Variants in PARD3 observed in about 807,000 individuals in gnomAD.
PARD3 encodes partitioning defective 3 homolog.
Under a neutral mutation model 155.4 loss-of-function variants are expected in PARD3, and 75 were observed. The ratio of observed to expected loss-of-function variants is 0.48; its 90% CI spans 0.40 to 0.58. The LOEUF is 0.58. Among genes scored for constraint, PARD3 ranks in the 20% least tolerant of loss-of-function variants. PARD3 has a pLI of 0.00. For synonymous variants in PARD3, 576 were observed against 610.5 expected (o/e 0.94, Z 0.83); for missense variants, 1,642 against 1,721.7 (o/e 0.95, Z 0.82).
At chr10:34,697,767 ACACT>A (rs952765880) in intron 1 of PARD3, among the ~76,000 whole-genome samples, 14 of 25,854 alleles carry the variant, frequency 5.4e-4, no homozygotes, top group South Asian at 2.4e-3. Flanking sequence ...TGTAAAACAA[ACACT>A]CACACACACA....
intron 1 of PARD3, among the ~76,000 whole-genome samples, chr10:34,701,993 T>TGG (rs1267443765): frequency 6.6e-6 from 1 of 151,730 alleles, no homozygotes; most frequent in Admixed American, 6.6e-5. Context: ...TGAAAGCAAG[T>TGG]CTCTACTAAA....
At position 34,621,402 on chromosome 10, in the gene PARD3, G is replaced by A. The variant is rs2091669365; in HGVS notation, c.222+74916C>T. Among the ~76,000 whole-genome samples, 3 of 151,894 alleles carry A rather than the reference G, an allele frequency of 2.0e-5. No homozygotes were observed. The South Asian group carries it at 6.2e-4, about 32-fold the overall frequency. On this transcript the variant is annotated intron_variant, in intron 2 of 24. Transcript: ENST00000374788. The stretch of plus-strand genomic sequence containing the variant: ...AGTAGAGACAGGGTTTTGCCACATT[G>A]GCCAGGCTGGTCTCAAACTCCTGAC...
intron 5 of PARD3, among the ~76,000 whole-genome samples, chr10:34,428,519 G>A (rs1362186145): frequency 6.6e-6 from 1 of 151,924 alleles, no homozygotes; most frequent in Non-Finnish European, 1.5e-5. Context: ...TATATAAATT[G>A]TCTTTATTTC....
rs574457565 is a variant in PARD3, at chr10:34,665,043, G to T, written c.222+31275C>A. ...GGAAAGAGAGGGGGAGAGGGAGGGG[G>T]ATCCTACTGAATAGAGGCAATATAA... On this transcript the variant is annotated intron_variant, in intron 2 of 24. Transcript: ENST00000374788. Among the ~76,000 whole-genome samples, 7 of 151,300 alleles carry T rather than the reference G, an allele frequency of 4.6e-5. No individual in the cohort carries two copies. The South Asian group carries it at 1.5e-3, about 32-fold the overall frequency.
chr10:34,134,431 A>G lies in PARD3; in HGVS notation c.3420-2848T>C, dbSNP rs192529585. Among the ~76,000 whole-genome samples, 216 of 152,354 alleles carry G rather than the reference A, an allele frequency of 1.4e-3. 1 individual carries two copies. The highest frequency in any genetic ancestry group is 6.4e-3 in the East Asian group (33 of 5,188). On this transcript the variant is annotated intron_variant, in intron 22 of 24. Transcript: ENST00000374788. ...TTTTAAGCCCATAATTATTAGGATC[A>G]TGAAGTTGAAACCATTGATAAAAAC... is the stretch of plus-strand genomic sequence containing the variant.
intron 1 of PARD3, among the ~76,000 whole-genome samples, chr10:34,725,149 GTGAC>G (rs1217220269): frequency 1.1e-3 from 91 of 85,484 alleles, no homozygotes; most frequent in African/African-American, 2.2e-3. Flanking sequence ...GTGTGTGTGT[GTGAC>G]AGAGAGAGAG....
chr10:34,144,262 A>T (rs1388956602), intron 22 of PARD3, among the ~76,000 whole-genome samples: 1 of 152,230 alleles, frequency 6.6e-6, no homozygotes, highest in Non-Finnish European at 1.5e-5. Flanking sequence ...AAGCCTTAAA[A>T]GAATCATTAA....
At chr10:34,673,872 T>C (rs2093651085) in intron 2 of PARD3, among the ~76,000 whole-genome samples, 2 of 151,606 alleles carry the variant, frequency 1.3e-5, no homozygotes, top group Non-Finnish European at 1.5e-5. Context: ...ATGCCTGTGA[T>C]CCCAGCTATG....
chr10:34,493,203 C>A (rs2080035247), intron 3 of PARD3, among the ~76,000 whole-genome samples: 1 of 152,130 alleles, frequency 6.6e-6, no homozygotes, highest in Non-Finnish European at 1.5e-5. Flanking sequence ...TAGTACAATG[C>A]AAGACATGCA....
At chr10:34,194,402 C>G (rs762188478) in intron 22 of PARD3, among the ~76,000 whole-genome samples, 8 of 152,066 alleles carry the variant, frequency 5.3e-5, no homozygotes, top group African/African-American at 1.9e-4. Flanking sequence ...TGGCCCGAGC[C>G]GCTCTTGTAC....
intron 22 of PARD3, among the ~76,000 whole-genome samples, chr10:34,172,176 T>G (rs1949827983): frequency 6.6e-6 from 1 of 152,034 alleles, no homozygotes; most frequent in African/African-American, 2.4e-5. Flanking sequence ...GTGGCTTAAA[T>G]TTTCCACAAA....
intron 2 of PARD3, among the ~76,000 whole-genome samples, chr10:34,689,030 C>G (rs993059804): frequency 5.9e-5 from 9 of 152,294 alleles, no homozygotes; most frequent in Non-Finnish European, 1.3e-4. Flanking sequence ...GGACCCTTCA[C>G]AGAGATCCTA....
chr10:34,740,188 C>T (rs2094983863), intron 1 of PARD3, among the ~76,000 whole-genome samples: 1 of 152,216 alleles, frequency 6.6e-6, no homozygotes, highest in Non-Finnish European at 1.5e-5. Flanking sequence ...TTGCAGCTGG[C>T]TGCCTCCTCC....
chr10:34,129,594 AT>A (rs1947478754), intron 23 of PARD3, among the ~76,000 whole-genome samples: 1 of 150,068 alleles, frequency 6.7e-6, no homozygotes, highest in African/African-American at 2.5e-5. Context: ...CTCTTCCTAC[AT>A]TTCTACCTTT....
At chr10:34,764,813 A>G (rs1179270404) in intron 1 of PARD3, among the ~76,000 whole-genome samples, 2 of 152,188 alleles carry the variant, frequency 1.3e-5, no homozygotes, top group Non-Finnish European at 2.9e-5. Context: ...TTTCTGAGAC[A>G]GCTCTTATAG....
chr10:34,268,420 T>C (rs11009705), intron 22 of PARD3, among the ~76,000 whole-genome samples: 69,973 of 131,998 alleles, frequency 0.53, 19,570 homozygotes, highest in African/African-American at 0.7. Context: ...CCAGCCATCC[T>C]ATTACTGGGT....
chr10:34,137,802 C>A (rs1236533796), intron 22 of PARD3, among the ~76,000 whole-genome samples: 1 of 152,202 alleles, frequency 6.6e-6, no homozygotes, highest in Non-Finnish European at 1.5e-5. Flanking sequence ...GATCAGCCAA[C>A]CCCTAGCCTC....
At chr10:34,287,451 C>T (rs1014467410) in intron 20 of PARD3, among the ~76,000 whole-genome samples, 3 of 151,808 alleles carry the variant, frequency 2.0e-5, no homozygotes, top group African/African-American at 4.8e-5. Context: ...GCTGTGACAC[C>T]GAGAACAATC....
chr10:34,720,668 A>T (rs1423728989), intron 1 of PARD3, among the ~76,000 whole-genome samples: 1 of 151,844 alleles, frequency 6.6e-6, no homozygotes, highest in African/African-American at 2.4e-5. Flanking sequence ...GTGGTAGCAC[A>T]TGCCTGTAAT....
Sources: allele counts gnomAD v4.1 joint callset (sites outside exome capture counted in the v4.1 genomes callset), GRCh38; gene constraint gnomAD v4.1.1; transcripts MANE v1.5; gene names NCBI Gene and HGNC (gene_info 2026-07-23, HGNC 2026-07-21).